USO1: variants seen among roughly 807,000 people sequenced by gnomAD.
USO1 encodes USO1 vesicle transport factor, also known as general vesicular transport factor p115.
In USO1, 57 loss-of-function variants were observed where a neutral mutation model predicts 124.5. That is an observed-to-expected ratio of 0.46 (90% CI 0.37 to 0.57). USO1 has a LOEUF of 0.57. Ranked by LOEUF, USO1 falls within the 20% of genes least tolerant of loss-of-function variation. The pLI, the probability that USO1 is intolerant of heterozygous loss-of-function variation, is 0.00. For missense variants in USO1, 900 were observed against 1,040.6 expected (o/e 0.86, Z 1.86); for synonymous variants, 369 against 362.8 (o/e 1.02, Z -0.19).
chr4:75,762,638 C>T (rs1721650293), intron 4 of USO1, among the ~76,000 whole-genome samples: 1 of 152,048 alleles, frequency 6.6e-6, no homozygotes, highest in African/African-American at 2.4e-5. Flanking sequence ...AAAAAGTATA[C>T]ATGTACCTGG....
At chr4:75,767,369 G>T (rs982240889) in intron 4 of USO1, 2 of 380,008 alleles carry the variant, frequency 5.3e-6, no homozygotes, top group Non-Finnish European at 1.0e-5. Flanking sequence ...TCTAATTAAT[G>T]TAAAATAATG....
chr4:75,768,392 G>A (rs895378924), intron 4 of USO1, among the ~76,000 whole-genome samples: 30 of 152,138 alleles, frequency 2.0e-4, no homozygotes, highest in Admixed American at 1.4e-3. Flanking sequence ...TTTTGTTGAT[G>A]CTATTGAAAG....
chr4:75,779,608 C>G (rs1036299256), intron 8 of USO1, among the ~76,000 whole-genome samples: 4 of 152,200 alleles, frequency 2.6e-5, no homozygotes, highest in African/African-American at 9.7e-5. Flanking sequence ...CGCCCTGACT[C>G]TTCAATTCTG....
intron 13 of USO1, among the ~76,000 whole-genome samples, chr4:75,797,433 T>A (rs1722716897): frequency 6.6e-6 from 1 of 151,066 alleles, no homozygotes; most frequent in African/African-American, 2.4e-5. Flanking sequence ...GATTTTTGTA[T>A]TCTGTCTCTT....
At chr4:75,744,545 G>A (rs1040869622) in intron 1 of USO1, among the ~76,000 whole-genome samples, 11 of 152,012 alleles carry the variant, frequency 7.2e-5, no homozygotes, top group Non-Finnish European at 1.6e-4. Flanking sequence ...TCAGACTCCC[G>A]AGTAGCTGAG....
At chr4:75,804,111 A>G (rs751051366) in intron 17 of USO1, 23 bp from the exon 18 acceptor site, 2 of 1,609,830 alleles carry the variant, frequency 1.2e-6, no homozygotes, top group Admixed American at 3.4e-5. Context: ...TTTAAAACAC[A>G]TGAATTATGT....
chr4:75,767,441 C>T (rs1721795944), intron 4 of USO1: 2 of 446,718 alleles, frequency 4.5e-6, no homozygotes, highest in African/African-American at 2.0e-5. Flanking sequence ...TTGGCTTTTT[C>T]TTTTAAAAGT....
At chr4:75,742,348 T>G (rs1720988176) in intron 1 of USO1, among the ~76,000 whole-genome samples, 8 of 152,218 alleles carry the variant, frequency 5.3e-5, no homozygotes, top group Admixed American at 5.2e-4. Context: ...GATAGGAATT[T>G]TGCATTTCCA....
At chr4:75,727,938 T>C (rs1226951437) in intron 1 of USO1, among the ~76,000 whole-genome samples, 2 of 122,958 alleles carry the variant, frequency 1.6e-5, no homozygotes, top group Non-Finnish European at 3.7e-5. Flanking sequence ...ATATATCTTA[T>C]TCCTTCTAGA....
chr4:75,725,243 C>A (rs1720384445), intron 1 of USO1, among the ~76,000 whole-genome samples: 1 of 152,206 alleles, frequency 6.6e-6, no homozygotes, highest in Non-Finnish European at 1.5e-5. Flanking sequence ...GGGCCCCTCC[C>A]TCTTTCTCTT....
intron 1 of USO1, among the ~76,000 whole-genome samples, chr4:75,749,882 GCTGGGA>G (rs1300097101): frequency 6.6e-6 from 1 of 151,826 alleles, no homozygotes; most frequent in African/African-American, 2.4e-5. Context: ...CTCCTGAGTA[GCTGGGA>G]CTACAGGCAC....
intron 11 of USO1, 80 bp downstream of exon 11, chr4:75,790,318 C>G: frequency 6.8e-7 from 1 of 1,473,828 alleles, no homozygotes; most frequent in East Asian, 2.5e-5. Flanking sequence ...ACACATCTTA[C>G]TCTTTTTAAA....
At chr4:75,731,423 A>G (rs1720627240) in intron 1 of USO1, among the ~76,000 whole-genome samples, 1 of 152,114 alleles carries the variant, frequency 6.6e-6, no homozygotes, top group Non-Finnish European at 1.5e-5. Flanking sequence ...TTAGCTGGAC[A>G]TGGTGGCAGG....
chr4:75,793,420 C>G (rs1420877550), intron 12 of USO1, among the ~76,000 whole-genome samples: 1 of 152,028 alleles, frequency 6.6e-6, no homozygotes, highest in Non-Finnish European at 1.5e-5. Flanking sequence ...GCGAGAATTA[C>G]AGGCGTGAGC....
rs929472295 is a variant in USO1, at chr4:75,795,222, T to G, written c.1452+1321T>G. 3 of 662,766 alleles carry G rather than the reference T, an allele frequency of 4.5e-6. No homozygotes were observed. The African/African-American group carries it at 5.4e-5, about 12-fold the overall frequency. The allele number at this position is 662,766 out of a possible 1,614,324, so 41.1% of individuals were successfully genotyped here. ...ATCATTAGAACCATCCTGTCCCAAA[T>G]TATTGGCTTGAGTTTGTAGAGAGAC... On this transcript the variant is annotated intron_variant, in intron 13 of 23. Coordinates refer to ENST00000514213, the MANE Select transcript of USO1 (RefSeq NM_003715.4).
At chr4:75,732,931 T>C (rs895722291) in intron 1 of USO1, among the ~76,000 whole-genome samples, 1 of 142,574 alleles carries the variant, frequency 7.0e-6, no homozygotes, top group African/African-American at 2.6e-5. Flanking sequence ...TTTAGGAATG[T>C]TTTAAGCTTC....
chr4:75,774,752 A>G lies in USO1; in HGVS notation c.632A>G (p.Glu211Gly). The G allele has an allele frequency of 6.2e-7, 1 of 1,613,792 alleles. No individual in the cohort carries two copies. Among genetic ancestry groups the G allele is most frequent in the Non-Finnish European group, 8.5e-7 (1 of 1,179,752 alleles). ...QKIVAFENAF[E>G]RLLDIISEEG... ...ATTGTTGCTTTTGAAAATGCTTTCGAGAGACTACTGGACATTATTTCAGAG... is the reference window on the plus strand; with the variant it reads ...ATTGTTGCTTTTGAAAATGCTTTCGGGAGACTACTGGACATTATTTCAGAG... The change falls in exon 8 of 24, where the codon GAG becomes GGG. Residue 211 changes from glutamate to glycine, a missense_variant. By Grantham distance (98) the Glu-to-Gly change is moderately conservative (BLOSUM62 -2). Around this residue, in one of 2 missense-constraint regions of USO1, gnomAD observed 538 missense variants for 681.6 expected, o/e 0.79. Coordinates refer to ENST00000514213, the MANE Select transcript of USO1 (RefSeq NM_003715.4).
intron 17 of USO1, among the ~76,000 whole-genome samples, chr4:75,803,049 T>C (rs1577972783): frequency 2.2e-5 from 3 of 133,986 alleles, no homozygotes; most frequent in Non-Finnish European, 3.1e-5. Flanking sequence ...ATCGCACCAT[T>C]GCACTCCAGC....
At chr4:75,810,618 C>G (rs1723120572) in intron 22 of USO1, 79 bp downstream of exon 22, 10 of 1,401,932 alleles carry the variant, frequency 7.1e-6, no homozygotes, top group African/African-American at 1.5e-5. Flanking sequence ...CTTTCAAATT[C>G]TTAGATTTAT....
Sources: gnomAD v4.1 joint callset for allele counts (sites outside exome capture counted in the v4.1 genomes callset) on GRCh38, gnomAD v4.1.1 for gene constraint, gnomAD v4.1.1 regional missense constraint, MANE v1.5 for transcripts, NCBI Gene and HGNC (gene_info 2026-07-23, HGNC 2026-07-21) for gene names.